Variants in CACNA1D observed in about 807,000 individuals in gnomAD.
CACNA1D encodes the protein voltage-dependent L-type calcium channel subunit alpha-1D.
Under a neutral mutation model 257.1 loss-of-function variants are expected in CACNA1D, and 55 were observed. The ratio of observed to expected loss-of-function variants is 0.21; its 90% CI spans 0.17 to 0.27. CACNA1D has a LOEUF of 0.27. Ranked by LOEUF, CACNA1D falls within the 10% of genes least tolerant of loss-of-function variation. The pLI is 1.00. For synonymous variants in CACNA1D, 980 were observed against 1,014.9 expected (o/e 0.97, Z 0.65); for missense variants, 1,876 against 2,784.0 (o/e 0.67, Z 7.34).
intron 19 of CACNA1D, among the ~76,000 whole-genome samples, chr3:53,734,105 A>G (rs2095033065): frequency 6.7e-6 from 1 of 149,714 alleles, no homozygotes; most frequent in African/African-American, 2.5e-5. Flanking sequence ...TGCCCTCACT[A>G]GCTTGGAAGT....
intron 5 of CACNA1D, among the ~76,000 whole-genome samples, chr3:53,662,392 C>T (rs532864702): frequency 3.9e-5 from 6 of 152,208 alleles, no homozygotes; most frequent in Admixed American, 1.3e-4. Context: ...TCCACAGCCC[C>T]GCGACCTCAG....
Position 53,811,421 on chromosome 3 carries a change from C to T in CACNA1D, c.*15C>T. 1 of 1,533,838 alleles carries T rather than the reference C, an allele frequency of 6.5e-7. No individual in the cohort carries two copies. The highest frequency in any genetic ancestry group is 2.3e-5 in the East Asian group (1 of 43,930). On this transcript the variant is annotated 3_prime_UTR_variant, in exon 48 of 48. Transcript: ENST00000350061. This position sits in a 1 kb window ranked among gnomAD's most constrained non-coding sequence, Gnocchi z 4.2. ...CCACCTTGTAGCCCCCAGCGAGGGG[C>T]AGACTGGCTCTGGCCTCAGGTGGGG...
intron 29 of CACNA1D, among the ~76,000 whole-genome samples, chr3:53,759,410 T>C (rs1445236374): frequency 6.6e-6 from 1 of 152,174 alleles, no homozygotes; most frequent in African/African-American, 2.4e-5. Flanking sequence ...GGTTTGGCCT[T>C]TGGGAAATGA....
intron 37 of CACNA1D, among the ~76,000 whole-genome samples, chr3:53,778,842 G>T (rs543278853): frequency 6.6e-6 from 1 of 152,326 alleles, no homozygotes; most frequent in East Asian, 1.9e-4. Flanking sequence ...ATAGGCTCAT[G>T]CAAAATGCCA....
At chr3:53,797,844 G>T (rs940347276) in intron 40 of CACNA1D, 1 of 152,176 alleles carries the variant, frequency 6.6e-6, no homozygotes, top group African/African-American at 2.4e-5. Flanking sequence ...TTAAACTTGG[G>T]AGCATTTCTG....
chr3:53,528,000 G>A (rs545942780), intron 3 of CACNA1D, among the ~76,000 whole-genome samples: 38 of 152,296 alleles, frequency 2.5e-4, no homozygotes, highest in African/African-American at 9.1e-4. Context: ...TTGAGTTTGA[G>A]TTATAGAATG....
chr3:53,767,571 A>AAAAAAAC (rs1381804871), intron 30 of CACNA1D, among the ~76,000 whole-genome samples: 1 of 151,632 alleles, frequency 6.6e-6, no homozygotes, highest in Admixed American at 6.6e-5. Flanking sequence ...ATCTCAAAAA[A>AAAAAAAC]AAAAAAAAAA....
chr3:53,599,744 C>T lies in CACNA1D; in HGVS notation c.484-51035C>T, dbSNP rs181633624. Among the ~76,000 whole-genome samples, 423 of 152,272 alleles carry T rather than the reference C, an allele frequency of 2.8e-3. 2 individuals carry two copies. The highest frequency in any genetic ancestry group is 8.2e-3 in the African/African-American group (339 of 41,556). On this transcript the variant is annotated intron_variant, in intron 3 of 47. Coordinates refer to ENST00000350061, the MANE Select transcript of CACNA1D (RefSeq NM_001128840.3). ...AATTCTTACTAATTTGTACCTGAAC[C>T]TCTCCTTATTCACTAGAAGAGTGTG...
chr3:53,552,904 C>A (rs1371557740), intron 3 of CACNA1D, among the ~76,000 whole-genome samples: 2 of 152,084 alleles, frequency 1.3e-5, no homozygotes, highest in Non-Finnish European at 2.9e-5. Context: ...TTGTGTATTC[C>A]CACTGTACCT....
At chr3:53,553,776 G>T (rs918371994) in intron 3 of CACNA1D, among the ~76,000 whole-genome samples, 1 of 151,882 alleles carries the variant, frequency 6.6e-6, no homozygotes, top group Admixed American at 6.6e-5. Context: ...TTCCCTGGCA[G>T]TCAGTCTTTG....
chr3:53,794,141 G>GAATAATTT (rs1368767238), intron 40 of CACNA1D, among the ~76,000 whole-genome samples: 2 of 152,212 alleles, frequency 1.3e-5, no homozygotes, highest in African/African-American at 4.8e-5. Flanking sequence ...ATTATGTTCA[G>GAATAATTT]GAGTCTTTGA....
At chr3:53,610,010 T>C (rs1485126898) in intron 3 of CACNA1D, among the ~76,000 whole-genome samples, 2 of 152,236 alleles carry the variant, frequency 1.3e-5, no homozygotes, top group African/African-American at 2.4e-5. Flanking sequence ...TATTTAGAAA[T>C]GTGTTTGTAA....
chr3:53,506,779 A>G (rs2090865101), intron 3 of CACNA1D, among the ~76,000 whole-genome samples: 1 of 152,210 alleles, frequency 6.6e-6, no homozygotes, highest in Non-Finnish European at 1.5e-5. Flanking sequence ...TAACTATTAA[A>G]GAGAGAAGAA....
chr3:53,566,107 T>C (rs891544373), intron 3 of CACNA1D, among the ~76,000 whole-genome samples: 1 of 152,230 alleles, frequency 6.6e-6, no homozygotes, highest in Non-Finnish European at 1.5e-5. Flanking sequence ...AATTTATAAA[T>C]GCCGTGTCTG....
chr3:53,727,753 T>C (rs1044801877), intron 15 of CACNA1D, among the ~76,000 whole-genome samples: 1 of 152,194 alleles, frequency 6.6e-6, no homozygotes, highest in Admixed American at 6.5e-5. Context: ...CTCATGATAC[T>C]ACATCTGGGT....
Position 53,732,899 on chromosome 3 carries a change from T to C in CACNA1D, c.2558T>C (p.Met853Thr). 1 of 1,614,078 alleles carries C rather than the reference T, an allele frequency of 6.2e-7. No individual in the cohort carries two copies. Among genetic ancestry groups the C allele is most frequent in the Non-Finnish European group, 8.5e-7 (1 of 1,179,960 alleles). The change falls in exon 19 of 48, where the codon ATG becomes ACG. Residue 853 changes from methionine to threonine, a missense_variant. Met to Thr is a moderately conservative substitution (Grantham distance 81). Transcript: ENST00000350061. ...PRPRRISELN[M>T]KEKIAPIPEG... ...CCTCGAAGGATCTCGGAGTTGAACA[T>C]GAAGGAAAAAATTGCCCCCATCCCT...
chr3:53,572,600 G>A (rs566416040), intron 3 of CACNA1D, among the ~76,000 whole-genome samples: 17 of 152,094 alleles, frequency 1.1e-4, no homozygotes, highest in Admixed American at 3.3e-4. Context: ...AGGCTTCACC[G>A]TGTTGCCCAG....
chr3:53,704,762 C>A (rs2094668377), intron 9 of CACNA1D, among the ~76,000 whole-genome samples: 1 of 152,190 alleles, frequency 6.6e-6, no homozygotes, highest in Non-Finnish European at 1.5e-5. Context: ...GGAGGTATGG[C>A]CCCTTTTTCT....
intron 40 of CACNA1D, among the ~76,000 whole-genome samples, chr3:53,798,695 C>A (rs1183041588): frequency 1.3e-5 from 2 of 152,192 alleles, no homozygotes; most frequent in African/African-American, 4.8e-5. Flanking sequence ...GTGCACCAGG[C>A]TATTTTTATA....
Sources: gnomAD v4.1 joint callset for allele counts (sites outside exome capture counted in the v4.1 genomes callset) on GRCh38, gnomAD v4.1.1 for gene constraint, Gnocchi (gnomAD v3.1) non-coding constraint, MANE v1.5 for transcripts, NCBI Gene and HGNC (gene_info 2026-07-23, HGNC 2026-07-21) for gene names.